The following RUNX3 variants were observed in gnomAD, a reference collection of about 807,000 sequenced individuals.
RUNX3 encodes RUNX family transcription factor 3, also known as runt-related transcription factor 3.
RUNX3 carries 10 observed loss-of-function variants against 27.7 expected under a neutral mutation model. The ratio of observed to expected loss-of-function variants is 0.36; its 90% confidence interval spans 0.22 to 0.61. RUNX3 has a LOEUF of 0.61. RUNX3 is among the 20% of genes least tolerant of loss of function. RUNX3 has a pLI of 0.72. For missense variants in RUNX3, 469 were observed against 629.5 expected, an observed-to-expected ratio of 0.75 and a Z score of 2.73; for synonymous variants, 270 against 269.2, an observed-to-expected ratio of 1.00 and a Z score of -0.03.
At chr1:24,945,960 G>A (rs949267773) in intron 2 of RUNX3, among the ~76,000 whole-genome samples, 1 of 152,112 alleles carries the variant, frequency 6.6e-6, no homozygotes, top group African/African-American at 2.4e-5. Flanking sequence ...TGACCTCCCT[G>A]AGAACGGAGA....
chr1:24,902,406 G>A lies in RUNX3; in HGVS notation c.964C>T (p.Pro322Ser). The change falls in exon 5 of 5, where the codon CCC becomes TCC. Residue 322 changes from proline to serine, a missense_variant. By Grantham distance (74) the Pro-to-Ser change is moderately conservative. Around this residue, in one of 3 missense-constraint regions of RUNX3, gnomAD observed 279 missense variants for 343.0 expected, o/e 0.81. Transcript: ENST00000308873. This position sits in a 1 kb window ranked among gnomAD's most constrained non-coding sequence, Gnocchi z 9.2. ...YPGAPQNQSG[P>S]FQANPSPYHL... ...TAGGGGGACGGGTTGGCCTGGAAGG[G>A]CCCGCTCTGGTTCTGCGGGGCCCCC... 1.9e-6 allele frequency: 3 copies of A among 1,612,556 alleles called. No individual in the cohort carries two copies. Among genetic ancestry groups the A allele is most frequent in the Non-Finnish European group, 2.5e-6 (3 of 1,179,614 alleles).
Position 24,916,136 on chromosome 1 carries a change from C to T in RUNX3, c.544+3104G>A, listed in dbSNP as rs1640884544. Among the ~76,000 whole-genome samples, 1 of 152,200 alleles carries T rather than the reference C, an allele frequency of 6.6e-6. No individual in the cohort carries two copies. The highest frequency in any genetic ancestry group is 2.1e-4 in the South Asian group (1 of 4,834). On this transcript the variant is annotated intron_variant, in intron 3 of 4. Transcript: ENST00000308873. This position sits in a 1 kb window ranked among gnomAD's most constrained non-coding sequence, Gnocchi z 4.8. Reference sequence around the variant, plus strand: ...GGCTCCCAGGACCAGCCCCTACTCCCACTTCACCCCACAGCGGGCTCAGAT... The same window carrying T: ...GGCTCCCAGGACCAGCCCCTACTCCTACTTCACCCCACAGCGGGCTCAGAT...
intron 2 of RUNX3, among the ~76,000 whole-genome samples, chr1:24,922,493 C>T (rs1411291076): frequency 1.3e-5 from 2 of 152,162 alleles, no homozygotes; most frequent in Non-Finnish European, 2.9e-5. Flanking sequence ...TTGTCACCAA[C>T]AGACGTCACA....
intron 2 of RUNX3, among the ~76,000 whole-genome samples, chr1:24,949,473 G>A (rs555274208): frequency 2.4e-4 from 37 of 152,272 alleles, no homozygotes; most frequent in Admixed American, 3.3e-4. Context: ...AGGACTTGGC[G>A]GATGTGAACG....
intron 4 of RUNX3, among the ~76,000 whole-genome samples, chr1:24,906,450 C>T (rs189379146): frequency 8.2e-4 from 125 of 152,376 alleles, no homozygotes; most frequent in Non-Finnish European, 1.6e-3. Flanking sequence ...CCTTGGCACC[C>T]CACTTAGCCC....
At chr1:24,909,739 T>C (rs1188228363) in intron 3 of RUNX3, among the ~76,000 whole-genome samples, 2 of 152,238 alleles carry the variant, frequency 1.3e-5, no homozygotes, top group African/African-American at 4.8e-5. Context: ...CCCTAGTGGC[T>C]GCAGCTTCTC....
intron 4 of RUNX3, 43 bp downstream of exon 4, chr1:24,907,216 A>AC (rs755136862): frequency 1.9e-6 from 3 of 1,588,422 alleles, no homozygotes; most frequent in African/African-American, 1.3e-5. Flanking sequence ...GAGGCCCTCC[A>AC]CCCCCACCTC....
chr1:24,910,092 C>G (rs1640767893), intron 3 of RUNX3, among the ~76,000 whole-genome samples: 2 of 152,114 alleles, frequency 1.3e-5, no homozygotes, highest in African/African-American at 4.8e-5. Context: ...AGTTTGAAAC[C>G]AGCCTGACCA....
In RUNX3 at chr1:24,962,123, T is replaced by C. The variant is rs1192540332; in HGVS notation, c.58+2391A>G. ...GGTGTTCTCTGGTATCACAGCGGGG[T>C]CAGGGATGACCTGAAATATTGTTCA... On this transcript the variant is annotated intron_variant, in intron 2 of 6. Transcript: ENST00000338888. This position sits in a 1 kb window ranked among gnomAD's most constrained non-coding sequence, Gnocchi z 4.5. 6.6e-6 allele frequency: 1 copy of C among 152,050 alleles called. No individual in the cohort carries two copies. Among genetic ancestry groups the C allele is most frequent in the East Asian group, 1.9e-4 (1 of 5,194 alleles). The allele number at this position is 152,050 out of a possible 1,614,324, so 9.4% of individuals were successfully genotyped here.
intron 2 of RUNX3, chr1:24,919,548 A>G (rs1640955295): frequency 2.1e-6 from 1 of 475,010 alleles, no homozygotes; most frequent in East Asian, 4.0e-5. Flanking sequence ...GTCTGACGCC[A>G]ACTTTGTCAA....
intron 2 of RUNX3, among the ~76,000 whole-genome samples, chr1:24,945,348 T>C (rs932071072): frequency 6.6e-6 from 1 of 152,216 alleles, no homozygotes; most frequent in Admixed American, 6.5e-5. Context: ...GTCTGTTGAA[T>C]GAGTGAAATA....
At chr1:24,909,755 C>A (rs1640761249) in intron 3 of RUNX3, among the ~76,000 whole-genome samples, 1 of 152,240 alleles carries the variant, frequency 6.6e-6, no homozygotes, top group African/African-American at 2.4e-5. Context: ...TTCTCCAGGG[C>A]TGACCCGAGG....
chr1:24,921,296 T>G (rs922433210), intron 2 of RUNX3, among the ~76,000 whole-genome samples: 80 of 152,178 alleles, frequency 5.3e-4, no homozygotes, highest in African/African-American at 1.8e-3. Flanking sequence ...GGCAGGAGAA[T>G]CCGGAACAAA....
intron 3 of RUNX3, among the ~76,000 whole-genome samples, chr1:24,919,031 C>A (rs1640942721): frequency 6.6e-6 from 1 of 152,242 alleles, no homozygotes; most frequent in Non-Finnish European, 1.5e-5. Flanking sequence ...CAGTCATCTC[C>A]ACTCCCAGCC....
At chr1:24,906,784 G>A (rs2124248926) in intron 4 of RUNX3, among the ~76,000 whole-genome samples, 1 of 152,344 alleles carries the variant, frequency 6.6e-6, no homozygotes, top group African/African-American at 2.4e-5. Flanking sequence ...CAAAGTTTGT[G>A]TGAGTACAGT....
chr1:24,943,692 G>A lies in RUNX3; in HGVS notation c.59-13840C>T, dbSNP rs1641536111. ...ATGTGACGTGCTGGGGCCCAGGGGA[G>A]TCCAAAGTCAGGACTCATTCTTCCC... is the stretch of plus-strand genomic sequence containing the variant. On this transcript the variant is annotated intron_variant, in intron 2 of 6. Coordinates refer to the RUNX3 transcript ENST00000338888. This position sits in a 1 kb window ranked among gnomAD's most constrained non-coding sequence, Gnocchi z 4.6. Among the ~76,000 whole-genome samples the A allele has an allele frequency of 6.6e-6, 1 of 152,206 alleles. No individual in the cohort carries two copies. Among genetic ancestry groups the A allele is most frequent in the Non-Finnish European group, 1.5e-5 (1 of 68,044 alleles).
chr1:24,929,327 A>T (rs1157159850), intron 1 of RUNX3: 1 of 683,188 alleles, frequency 1.5e-6, no homozygotes, highest in South Asian at 1.5e-5. Flanking sequence ...CCATTTCCGC[A>T]CCAACGTCTC....
At chr1:24,930,299 G>C (rs1163096544), upstream of RUNX3, 2 of 938,564 alleles carry the variant, frequency 2.1e-6, no homozygotes, top group Non-Finnish European at 2.5e-6. The surrounding 1 kb of genome is among the most constrained non-coding windows in gnomAD (Gnocchi z 4.1). Flanking sequence ...GCCCGCGCGG[G>C]GTTAGTACCC....
chr1:24,907,948 T>C (rs113431443), intron 3 of RUNX3, among the ~76,000 whole-genome samples: 2 of 140,814 alleles, frequency 1.4e-5, no homozygotes, highest in African/African-American at 5.4e-5. Flanking sequence ...CGCGGTGATC[T>C]AAACCTCAAC....
Sources: allele counts gnomAD v4.1 joint callset (sites outside exome capture counted in the v4.1 genomes callset), GRCh38; gene constraint gnomAD v4.1.1; regional missense constraint gnomAD v4.1.1; non-coding constraint Gnocchi (gnomAD v3.1); transcripts MANE v1.5; gene names NCBI Gene and HGNC (gene_info 2026-07-23, HGNC 2026-07-21).